Variants in CMYA5 observed in about 807,000 individuals in gnomAD.
The protein encoded by CMYA5 is cardiomyopathy-associated protein 5.
A neutral mutation model predicts 318.9 loss-of-function variants in CMYA5; 246 were observed. The observed-to-expected ratio is 0.77, with a 90% CI of 0.70 to 0.86. CMYA5 has a LOEUF of 0.86. CMYA5 is among the 40% of genes least tolerant of loss of function. CMYA5 has a pLI of 0.00. For synonymous variants in CMYA5, 1,641 were observed against 1,729.5 expected (o/e 0.95, Z 1.27); for missense variants, 4,589 against 4,678.2 (o/e 0.98, Z 0.56).
Position 79,732,259 on chromosome 5 carries a change from A to C in CMYA5, c.3494A>C (p.Lys1165Thr), listed in dbSNP as rs770468257. Residue 1165 changes from lysine (K) to threonine (T), a missense_variant, in exon 2 of 13, where the codon AAA (lysine) becomes ACA (threonine). Lys to Thr is a moderately conservative substitution (Grantham distance 78, BLOSUM62 -1). Transcript: ENST00000446378. ...TCATCTATAGTAAAGGAAGAAACCA[A>C]ACCTGCATCTCCACATTCAGTTTTA... The part of the protein sequence containing the change: ...AQSSIVKEET[K>T]PASPHSVLPD... The C allele has an allele frequency of 3.7e-6, 6 of 1,613,892 alleles. No homozygotes were observed. The Admixed American group carries it at 1.0e-4, about 27-fold the overall frequency.
At chr5:79,696,876 A>AG (rs1177511383) in intron 1 of CMYA5, among the ~76,000 whole-genome samples, 5 of 152,192 alleles carry the variant, frequency 3.3e-5, no homozygotes, top group Non-Finnish European at 7.4e-5. Context: ...GCATGGTGGC[A>AG]GGTGCCTGTA....
In CMYA5 at chr5:79,737,407, T is replaced by A; in HGVS notation, c.8642T>A (p.Val2881Glu). The change falls in exon 2 of 13, where the codon GTA becomes GAA. Residue 2881 changes from valine to glutamate, a missense_variant. Physicochemically the swap from Val to Glu is moderately radical, Grantham distance 121 (BLOSUM62 -2). Around this residue, in one of 3 missense-constraint regions of CMYA5, gnomAD observed 2,431 missense variants for 2,495.1 expected, o/e 0.97. Coordinates refer to ENST00000446378, the MANE Select transcript of CMYA5 (RefSeq NM_153610.5). ...HHLEAAEDTR[V>E]KEPLSSAKSN... ...TTGGAGGCTGCGGAAGATACCCGTG[T>A]AAAGGAACCACTGTCTTCAGCAAAA... 3 of 1,613,894 alleles carry A rather than the reference T, an allele frequency of 1.9e-6. No individual in the cohort carries two copies. The highest frequency in any genetic ancestry group is 2.5e-6 in the Non-Finnish European group (3 of 1,179,824).
At chr5:79,793,406 C>T (rs752895830) in intron 11 of CMYA5, 31 bp from the exon 12 acceptor site, 2 of 1,587,532 alleles carry the variant, frequency 1.3e-6, no homozygotes, top group African/African-American at 2.7e-5. Flanking sequence ...GATTCCTGCA[C>T]TGAGCATACT....
intron 9 of CMYA5, among the ~76,000 whole-genome samples, chr5:79,765,583 A>G (rs1343675605): frequency 6.6e-6 from 1 of 152,054 alleles, no homozygotes; most frequent in African/African-American, 2.4e-5. Flanking sequence ...TTTGGGCTGT[A>G]TGGCCATTTT....
At position 79,733,392 on chromosome 5, in the gene CMYA5, G is replaced by A. The variant is rs1322343328; in HGVS notation, c.4627G>A (p.Glu1543Lys). 3 of 1,613,486 alleles carry A rather than the reference G, an allele frequency of 1.9e-6. No homozygotes were observed. Among genetic ancestry groups the A allele is most frequent in the Non-Finnish European group, 2.5e-6 (3 of 1,179,820 alleles). The change falls in exon 2 of 13, where the codon GAA becomes AAA. Residue 1543 changes from glutamate (E) to lysine (K), a missense_variant. Around this residue, in one of 3 missense-constraint regions of CMYA5, gnomAD observed 2,132 missense variants for 2,131.3 expected, o/e 1.00. Coordinates refer to ENST00000446378, the MANE Select transcript of CMYA5 (RefSeq NM_153610.5). ...LWGEIKKKET[E>K]LPSSQNVSPA... ...GGGTGAGATAAAGAAGAAAGAAACT[G>A]AACTTCCTTCATCACAAAATGTGTC...
chr5:79,735,030 G>T lies in CMYA5; in HGVS notation c.6265G>T (p.Ala2089Ser). 2 of 1,613,688 alleles carry T rather than the reference G, an allele frequency of 1.2e-6. No homozygotes were observed. The highest frequency in any genetic ancestry group is 2.2e-5 in the South Asian group (2 of 91,032). ...VEPALGNEKE[A>S]HRSTPPFPEE... is the part of the protein sequence containing the mutation. ...ACCTGCATTGGGCAATGAAAAAGAA[G>T]CACACAGGAGCACACCTCCTTTTCC... Residue 2089 changes from alanine to serine, a missense_variant, in exon 2 of 13, where the codon GCA becomes TCA. Around this residue, in one of 3 missense-constraint regions of CMYA5, gnomAD observed 2,431 missense variants for 2,495.1 expected, o/e 0.97. Transcript: ENST00000446378.
chr5:79,799,502 C>A lies in CMYA5; in HGVS notation c.12096C>A (p.Phe4032Leu). Residue 4032 changes from phenylalanine (F) to leucine (L), a missense_variant, in exon 13 of 13, where the codon TTC (phenylalanine) becomes TTA (leucine). Coordinates refer to ENST00000446378, the MANE Select transcript of CMYA5 (RefSeq NM_153610.5). ...ACGCAGAGAGCGAGCAGTTGCTCTT[C>A]ATCATCAGGCACAGGTTTAATGAGG... Reference protein sequence around the residue: ...FINAESEQLLFIIRHRFNEGV... With the variant: ...FINAESEQLLLIIRHRFNEGV... 6.2e-7 allele frequency: 1 copy of A among 1,614,008 alleles called. No homozygotes were observed. Among genetic ancestry groups the A allele is most frequent in the South Asian group, 1.1e-5 (1 of 91,072 alleles).
chr5:79,714,217 T>C (rs1281127984), intron 1 of CMYA5, among the ~76,000 whole-genome samples: 1 of 152,020 alleles, frequency 6.6e-6, no homozygotes, highest in African/African-American at 2.4e-5. Flanking sequence ...TTTGCACATG[T>C]TGTTCCTTTT....
chr5:79,691,549 G>C (rs924566601), intron 1 of CMYA5, among the ~76,000 whole-genome samples: 20 of 152,352 alleles, frequency 1.3e-4, no homozygotes, highest in African/African-American at 4.1e-4. Context: ...ACCAGGGAAA[G>C]AGGTCAGAAT....
At chr5:79,713,285 C>A (rs1827436001) in intron 1 of CMYA5, among the ~76,000 whole-genome samples, 1 of 104,550 alleles carries the variant, frequency 9.6e-6, no homozygotes, top group Non-Finnish European at 1.9e-5. Context: ...AGTCCCCACC[C>A]CGCTGCACCC....
In CMYA5 at chr5:79,763,080, T is replaced by C; in HGVS notation, c.11426T>C (p.Ile3809Thr). 2 of 1,613,748 alleles carry C rather than the reference T, an allele frequency of 1.2e-6. No individual in the cohort carries two copies. ...TCTGCAGCACCCTCCACCCCTGTGA[T>C]CCGCGCTGAGGACTGTACTGTGTGT... ...IFRTAPSTPV[I>T]RAEDCTVCWN... Residue 3809 changes from isoleucine (I) to threonine (T), a missense_variant, in exon 9 of 13, where the codon ATC (isoleucine) becomes ACC (threonine). Ile to Thr is a moderately conservative substitution (Grantham distance 89). Transcript: ENST00000446378.
At chr5:79,690,460 G>C (rs1826946543) in intron 1 of CMYA5, among the ~76,000 whole-genome samples, 1 of 152,212 alleles carries the variant, frequency 6.6e-6, no homozygotes, top group East Asian at 1.9e-4. Flanking sequence ...GATGAATGGC[G>C]GTCTCCCCGG....
rs1561224298 is a variant in CMYA5 at position 79,765,106 on chromosome 5, GT to G, written c.11555+1902del. Among the ~76,000 whole-genome samples the G allele has an allele frequency of 5.9e-3, 902 of 152,228 alleles. 10 individuals are homozygous for G. The highest frequency in any genetic ancestry group is 0.021 in the African/African-American group (857 of 41,526). The stretch of plus-strand genomic sequence containing the variant: ...GGTATTGCCTAGGTTTTCTTCTAGC[GT>G]TTTTATGGTTTTAGGTCTTACGTTT... On this transcript the variant is annotated intron_variant, in intron 9 of 12. Transcript: ENST00000446378.
rs141071918 is a variant in CMYA5 at position 79,713,696 on chromosome 5, G to GCAGA, written c.150-15219_150-15218insCAGA. 2.7e-3 allele frequency among the ~76,000 whole-genome samples: 406 copies of GCAGA among 151,602 alleles called. 2 individuals are homozygous for GCAGA. The highest frequency in any genetic ancestry group is 9.4e-3 in the African/African-American group (389 of 41,274). ...GCCCAAATGGCTCTTTTTTAACTCT[G>GCAGA]GAGAGAAATGATTTTTGTAATTCCA... On this transcript the variant is annotated intron_variant, in intron 1 of 12. Transcript: ENST00000446378.
At chr5:79,719,603 G>A (rs1827582369) in intron 1 of CMYA5, among the ~76,000 whole-genome samples, 1 of 152,166 alleles carries the variant, frequency 6.6e-6, no homozygotes, top group Non-Finnish European at 1.5e-5. Flanking sequence ...ATGTATTAAA[G>A]CTCCATTCAT....
rs747414345 is a variant in CMYA5 at position 79,731,501 on chromosome 5, G to T, written c.2736G>T (p.Glu912Asp). 6.2e-7 allele frequency: 1 copy of T among 1,604,316 alleles called. No homozygotes were observed. ...EFSVPPYATP[E>D]AQEEEIVHRS... is the part of the protein sequence containing the mutation. ...CAGTACCACCATATGCAACACCGGA[G>T]GCACAGGAGGAAGAAATTGTCCATA... The change falls in exon 2 of 13, where the codon GAG (glutamate) becomes GAT (aspartate). Residue 912 changes from glutamate to aspartate, a missense_variant. Coordinates refer to ENST00000446378, the MANE Select transcript of CMYA5 (RefSeq NM_153610.5).
Position 79,737,207 on chromosome 5 carries a change from T to G in CMYA5, c.8442T>G (p.Pro2814=). 6.2e-7 allele frequency: 1 copy of G among 1,613,710 alleles called. No individual in the cohort carries two copies. The highest frequency in any genetic ancestry group is 8.5e-7 in the Non-Finnish European group (1 of 1,179,798). ...SSETPPYLLS[P]VKPQTLASGA... is the part of the protein sequence containing the mutation. ...AAACACCGCCATATTTGCTGTCACC[T>G]GTAAAACCACAAACTCTTGCTTCAG... The change falls in exon 2 of 13, where the codon CCT becomes CCG. Residue 2814 remains proline (P), a synonymous_variant. Transcript: ENST00000446378.
rs111592850 is a variant in CMYA5, at chr5:79,761,808, T to C, written c.11261-3T>C. 1 of 1,612,034 alleles carries C rather than the reference T, an allele frequency of 6.2e-7. No individual in the cohort carries two copies. Among genetic ancestry groups the C allele is most frequent in the South Asian group, 1.1e-5 (1 of 90,594 alleles). On this transcript the variant is annotated splice_region_variant and splice_polypyrimidine_tract_variant and intron_variant, in intron 7 of 12. Coordinates refer to ENST00000446378, the MANE Select transcript of CMYA5 (RefSeq NM_153610.5). ...CTTCGATTTTAATTGTGTCTTATGC[T>C]AGAGTTGGTAGAAGAATACAGACTG...
intron 9 of CMYA5, among the ~76,000 whole-genome samples, chr5:79,770,177 T>C (rs259114): frequency 0.21 from 32,398 of 152,040 alleles, 3,620 homozygotes; most frequent in East Asian, 0.31. Context: ...CATTCCAGAT[T>C]GACTTCAGAC....
Sources: gnomAD v4.1 joint callset for allele counts (sites outside exome capture counted in the v4.1 genomes callset) on GRCh38, gnomAD v4.1.1 for gene constraint, gnomAD v4.1.1 regional missense constraint, MANE v1.5 for transcripts, NCBI Gene and HGNC (gene_info 2026-07-23, HGNC 2026-07-21) for gene names.